Variants in RIPOR2 observed in about 807,000 individuals in gnomAD.
RIPOR2 encodes RHO family interacting cell polarization regulator 2.
In RIPOR2, 39 loss-of-function variants were observed where a neutral mutation model predicts 114.5. The ratio of observed to expected loss-of-function variants is 0.34; its 90% CI spans 0.26 to 0.44. The LOEUF (loss-of-function observed/expected upper bound fraction) is 0.44. Among genes scored for constraint, RIPOR2 ranks in the 20% least tolerant of loss-of-function variants. RIPOR2 has a pLI of 1.00. For missense variants in RIPOR2, 1,007 were observed against 1,255.1 expected, an observed-to-expected ratio of 0.80 and a Z score of 2.99; for synonymous variants, 445 against 484.4, an observed-to-expected ratio of 0.92 and a Z score of 1.07.
In RIPOR2 at chr6:24,927,417, A is replaced by G. The variant is rs563620001; in HGVS notation, c.61+8421T>C. The stretch of plus-strand genomic sequence containing the variant: ...CACCACCACCACCACAACTATAACT[A>G]TCACCACCATTATCACCACCACCAT... On this transcript the variant is annotated intron_variant, in intron 1 of 21. Transcript: ENST00000643898. Among the ~76,000 whole-genome samples the G allele has an allele frequency of 1.2e-3, 185 of 151,410 alleles. 1 individual carries two copies. The highest frequency in any genetic ancestry group is 2.4e-3 in the Non-Finnish European group (163 of 67,868).
At chr6:24,978,710 G>A (rs1774176381) in intron 1 of RIPOR2, among the ~76,000 whole-genome samples, 1 of 152,164 alleles carries the variant, frequency 6.6e-6, no homozygotes, top group South Asian at 2.1e-4. Context: ...TAGTTGTGAG[G>A]CCTTCGGCAG....
At position 25,041,370 on chromosome 6, in the gene RIPOR2, A is replaced by G. The variant is rs140840654; in HGVS notation, c.76+481T>C. On this transcript the variant is annotated intron_variant, in intron 1 of 13. Transcript: ENST00000510784. The stretch of plus-strand genomic sequence containing the variant: ...TCCTGTCTACTCAGTTGTGAGTTTG[A>G]TAATTTAAGAAGCATACAATTGGGC... Among the ~76,000 whole-genome samples, 388 of 152,366 alleles carry G rather than the reference A, an allele frequency of 2.5e-3. 1 individual carries two copies. Among genetic ancestry groups the G allele is most frequent in the Middle Eastern group, 0.017 (5 of 294 alleles).
intron 1 of RIPOR2, among the ~76,000 whole-genome samples, chr6:25,019,774 C>CAAAAAACAAAAAAAAAAAAAAAAGAAA: frequency 1.9e-5 from 1 of 53,124 alleles, no homozygotes. Context: ...GACTCTGTCT[C>CAAAAAACAAAAAAAAAAAAAAAAGAAA]AAAAAAAAAA....
At chr6:24,881,007 G>T (rs1432985219) in intron 1 of RIPOR2, among the ~76,000 whole-genome samples, 5 of 152,188 alleles carry the variant, frequency 3.3e-5, no homozygotes, top group Non-Finnish European at 7.3e-5. Context: ...ACTTTGGGAG[G>T]CCGAGGCGGG....
At chr6:24,957,860 G>A (rs146570716) in intron 1 of RIPOR2, among the ~76,000 whole-genome samples, 2,059 of 152,278 alleles carry the variant, frequency 0.014, 34 homozygotes, top group African/African-American at 0.038. Flanking sequence ...GGGCGACAGA[G>A]CGAAGACTCC....
intron 18 of RIPOR2, among the ~76,000 whole-genome samples, chr6:24,827,619 G>C (rs1760302814): frequency 6.6e-6 from 1 of 152,244 alleles, no homozygotes; most frequent in Non-Finnish European, 1.5e-5. Context: ...GAAGGGCCGT[G>C]TGGAATGGCA....
chr6:25,005,736 T>C (rs191719498), intron 1 of RIPOR2, among the ~76,000 whole-genome samples: 1,572 of 100,226 alleles, frequency 0.016, 207 homozygotes, highest in South Asian at 0.029. Flanking sequence ...TATATATATA[T>C]ATATACATTT....
intron 12 of RIPOR2, among the ~76,000 whole-genome samples, chr6:24,845,935 C>A (rs1262766139): frequency 6.6e-6 from 1 of 152,018 alleles, no homozygotes; most frequent in Non-Finnish European, 1.5e-5. Context: ...TCCAAGGGGC[C>A]CCAGCAGAGG....
intron 2 of RIPOR2, among the ~76,000 whole-genome samples, chr6:24,875,106 A>C (rs1214407521): frequency 1.3e-5 from 2 of 152,256 alleles, no homozygotes; most frequent in East Asian, 3.8e-4. Context: ...CCGTGTGCAC[A>C]AATGGGACAA....
rs562227341 is a variant in RIPOR2, at chr6:24,876,835, T to C, written c.62-1018A>G. ...ACTTACCACAACAGACCAAGAAGCA[T>C]TGTCAAAACACAACTTCAGCTGAGC... On this transcript the variant is annotated intron_variant, in intron 1 of 21. Transcript: ENST00000643898. 18 of 323,990 alleles carry C rather than the reference T, an allele frequency of 5.6e-5. No homozygotes were observed. In the South Asian group the frequency reaches 1.8e-3, roughly 33 times the overall value. 20.1% of individuals were successfully genotyped at this position (323,990 alleles called of 1,614,324 possible).
intron 1 of RIPOR2, among the ~76,000 whole-genome samples, chr6:24,910,177 C>T (rs1156512232): frequency 1.3e-5 from 2 of 152,146 alleles, no homozygotes; most frequent in Non-Finnish European, 2.9e-5. Flanking sequence ...GCATCCCCTC[C>T]CCCCATCTTT....
chr6:25,016,439 A>G (rs1214190623), intron 1 of RIPOR2, among the ~76,000 whole-genome samples: 2 of 152,232 alleles, frequency 1.3e-5, no homozygotes, highest in Non-Finnish European at 1.5e-5. Context: ...AACTCTATTC[A>G]TGAGAAGTAA....
Position 24,858,757 on chromosome 6 carries a change from A to G in RIPOR2, c.715+2216T>C, listed in dbSNP as rs991238623. ...GCAGGAGAGCAAGAACAACAGAGAG[A>G]GGAGGAGATGGAGGAGCAGGAGCAA... On this transcript the variant is annotated intron_variant, in intron 8 of 21. Coordinates refer to ENST00000643898, the MANE Select transcript of RIPOR2 (RefSeq NM_001286445.3). This position sits in a 1 kb window ranked among gnomAD's most constrained non-coding sequence, Gnocchi z 4.0. Among the ~76,000 whole-genome samples, 7 of 152,122 alleles carry G rather than the reference A, an allele frequency of 4.6e-5. No homozygotes were observed. Among genetic ancestry groups the G allele is most frequent in the African/African-American group, 1.7e-4 (7 of 41,416 alleles).
At chr6:24,828,371 T>C (rs1760373579) in intron 17 of RIPOR2, 76 bp from the exon 18 acceptor site, 3 of 1,228,770 alleles carry the variant, frequency 2.4e-6, no homozygotes, top group Non-Finnish European at 3.2e-6. Flanking sequence ...ATAATTTTTA[T>C]TTTTATTTTT....
intron 14 of RIPOR2, among the ~76,000 whole-genome samples, chr6:24,837,492 C>T (rs1761222708): frequency 6.6e-6 from 1 of 152,102 alleles, no homozygotes; most frequent in Non-Finnish European, 1.5e-5. Context: ...CTCAGCTCAC[C>T]TTGACATCCT....
At chr6:24,842,294 G>A (rs1384414351) in intron 13 of RIPOR2, among the ~76,000 whole-genome samples, 1 of 152,198 alleles carries the variant, frequency 6.6e-6, no homozygotes, top group Non-Finnish European at 1.5e-5. Flanking sequence ...TGGGCTGTCT[G>A]ATCCCTATGG....
intron 21 of RIPOR2, among the ~76,000 whole-genome samples, chr6:24,806,737 T>C (rs1780795368): frequency 6.6e-6 from 1 of 152,216 alleles, no homozygotes; most frequent in South Asian, 2.1e-4. Flanking sequence ...CTTATGGCCA[T>C]TTGATGTTGA....
At chr6:24,888,662 A>G (rs1412272483) in intron 1 of RIPOR2, among the ~76,000 whole-genome samples, 1 of 152,234 alleles carries the variant, frequency 6.6e-6, no homozygotes, top group Non-Finnish European at 1.5e-5. Flanking sequence ...AGGAAATTGA[A>G]TTGAGCCTTA....
In RIPOR2 at chr6:24,878,163, T is replaced by C. The variant is rs367781197; in HGVS notation, c.62-2346A>G. Among the ~76,000 whole-genome samples the C allele has an allele frequency of 4.1e-4, 62 of 152,330 alleles. 1 individual carries two copies. The South Asian group carries it at 0.011, about 26-fold the overall frequency. On this transcript the variant is annotated intron_variant, in intron 1 of 21. Coordinates refer to ENST00000643898, the MANE Select transcript of RIPOR2 (RefSeq NM_001286445.3). ...AGACCTGAACGTACTGACATACTGA[T>C]TCTTTGAAGAGAAACTTGGGGTTCA...
Sources: gnomAD v4.1 joint callset for allele counts (sites outside exome capture counted in the v4.1 genomes callset) on GRCh38, gnomAD v4.1.1 for gene constraint, Gnocchi (gnomAD v3.1) non-coding constraint, MANE v1.5 for transcripts, NCBI Gene and HGNC (gene_info 2026-07-23, HGNC 2026-07-21) for gene names.